Variants in AP1M1 observed in about 807,000 individuals in gnomAD.
The protein encoded by AP1M1 is adaptor related protein complex 1 subunit mu 1, also known as AP-1 complex subunit mu-1.
A neutral mutation model predicts 57.1 loss-of-function variants in AP1M1; 18 were observed. That is an observed-to-expected ratio of 0.32 (90% CI 0.22 to 0.47). The LOEUF (loss-of-function observed/expected upper bound fraction) is 0.47. AP1M1 is among the 20% of genes least tolerant of loss of function. The probability of loss-of-function intolerance (pLI) is 1.00; values close to 1 mark genes in which losing one functional copy is unlikely to be tolerated. For synonymous variants in AP1M1, 241 were observed against 237.9 expected (o/e 1.01, Z -0.12); for missense variants, 362 against 593.5 (o/e 0.61, Z 4.05).
intron 9 of AP1M1, among the ~76,000 whole-genome samples, chr19:16,232,230 A>G (rs539494106): frequency 1.1e-3 from 167 of 152,166 alleles, no homozygotes; most frequent in Non-Finnish European, 2.1e-3. Flanking sequence ...ACGCCTGTCA[A>G]TGCCTGTTCT....
In AP1M1 at chr19:16,203,732, C is replaced by A; in HGVS notation, c.199+117C>A. The stretch of plus-strand genomic sequence containing the variant: ...GCACAGCGCAAGCATTGGACACAGC[C>A]ATGCCCTCCTGGAGCTCCCTGCTGC... On this transcript the variant is annotated intron_variant, in intron 2 of 11. Coordinates refer to ENST00000291439, the MANE Select transcript of AP1M1 (RefSeq NM_032493.4). This position sits in a 1 kb window ranked among gnomAD's most constrained non-coding sequence, Gnocchi z 4.6. 8.8e-7 allele frequency: 1 copy of A among 1,132,640 alleles called. No individual in the cohort carries two copies. The highest frequency in any genetic ancestry group is 1.3e-6 in the Non-Finnish European group (1 of 796,776). 70.2% of individuals were successfully genotyped at this position (1,132,640 alleles called of 1,614,324 possible). A position where few individuals can be genotyped will look rare whatever the true frequency, so the allele number is the denominator to read the frequency against.
intron 5 of AP1M1, among the ~76,000 whole-genome samples, chr19:16,213,428 A>G (rs561486184): frequency 7.1e-4 from 107 of 151,620 alleles, no homozygotes; most frequent in African/African-American, 2.3e-3. Context: ...TCTGTTTTCT[A>G]TTTGCTTGGT....
Position 16,206,001 on chromosome 19 carries a change from T to C in AP1M1, c.200-340T>C, listed in dbSNP as rs966571505. 6.6e-6 allele frequency among the ~76,000 whole-genome samples: 1 copy of C among 152,122 alleles called. No homozygotes were observed. Among genetic ancestry groups the C allele is most frequent in the Non-Finnish European group, 1.5e-5 (1 of 68,018 alleles). ...TTGGAGGAGCAGGGCCAGTGTGTCC[T>C]GCTTTCTGCTCCTGGAATGAGCCTC... is the stretch of plus-strand genomic sequence containing the variant. On this transcript the variant is annotated intron_variant, in intron 2 of 11. Transcript: ENST00000291439. The surrounding 1 kb of genome is among the most constrained non-coding windows in gnomAD (Gnocchi z 4.3).
chr19:16,212,771 T>C (rs1252542354), intron 5 of AP1M1, among the ~76,000 whole-genome samples: 1 of 152,244 alleles, frequency 6.6e-6, no homozygotes, highest in African/African-American at 2.4e-5. Context: ...CCTAGCCGTG[T>C]CCCAGAGATT....
chr19:16,228,296 G>A lies in AP1M1; in HGVS notation c.888+88G>A, dbSNP rs1348811852. The A allele has an allele frequency of 3.4e-5, 46 of 1,366,552 alleles. No homozygotes were observed. The South Asian group carries it at 5.2e-4, about 15-fold the overall frequency. 84.7% of individuals were successfully genotyped at this position (1,366,552 alleles called of 1,614,324 possible). The stretch of plus-strand genomic sequence containing the variant: ...AACCGAGGGCTGGGGGTGCCGTAGG[G>A]CTGCCATCCGTGCACCCTCACTGTG... On this transcript the variant is annotated intron_variant, in intron 8 of 11. Coordinates refer to ENST00000291439, the MANE Select transcript of AP1M1 (RefSeq NM_032493.4). The surrounding 1 kb of genome is among the most constrained non-coding windows in gnomAD (Gnocchi z 5.0).
In AP1M1 at chr19:16,228,761, G is replaced by T. The variant is rs776293958; in HGVS notation, c.889-9G>T. ...CCATAACCCCGGGCCGCATTGGCCT[G>T]GCCTGCAGGCCAAAAGCCAGTTCAA... is the stretch of plus-strand genomic sequence containing the variant. On this transcript the variant is annotated splice_polypyrimidine_tract_variant and intron_variant, in intron 8 of 11. Transcript: ENST00000291439. This position sits in a 1 kb window ranked among gnomAD's most constrained non-coding sequence, Gnocchi z 5.0. The T allele has an allele frequency of 1.2e-6, 2 of 1,613,248 alleles. No individual in the cohort carries two copies. Among genetic ancestry groups the T allele is most frequent in the Admixed American group, 1.7e-5 (1 of 60,008 alleles).
intron 1 of AP1M1, among the ~76,000 whole-genome samples, chr19:16,199,545 G>A (rs1241751607): frequency 6.6e-6 from 1 of 152,212 alleles, no homozygotes; most frequent in African/African-American, 2.4e-5. Flanking sequence ...GGGCAGGGGT[G>A]AGCCCTAAAG....
intron 5 of AP1M1, among the ~76,000 whole-genome samples, chr19:16,214,394 C>G (rs2091509016): frequency 7.2e-6 from 1 of 139,626 alleles, no homozygotes; most frequent in Non-Finnish European, 1.5e-5. Context: ...CCCTGTCACC[C>G]AGGCTGGAGT....
At chr19:16,213,858 C>G (rs144592981) in intron 5 of AP1M1, among the ~76,000 whole-genome samples, 87 of 152,292 alleles carry the variant, frequency 5.7e-4, no homozygotes, top group African/African-American at 2.0e-3. Flanking sequence ...TCTTGCCACT[C>G]TATGCCTTTT....
chr19:16,243,879 G>A lies in AP1M1; in HGVS notation c.*9444G>A. 6.6e-6 allele frequency: 1 copy of A among 152,170 alleles called. No homozygotes were observed. The highest frequency in any genetic ancestry group is 1.9e-4 in the East Asian group (1 of 5,174). The allele number at this position is 152,170 out of a possible 1,614,324, so 9.4% of individuals were successfully genotyped here. ...AATGGCTTGAACCCTGGAGGCAGAG[G>A]TTGCAGTGAGCTGAGATTGTGCCAC... On this transcript the variant is annotated 3_prime_UTR_variant, in exon 12 of 12. Transcript: ENST00000291439.
chr19:16,208,516 C>T (rs2145118997), intron 4 of AP1M1, among the ~76,000 whole-genome samples: 1 of 152,276 alleles, frequency 6.6e-6, no homozygotes, highest in Admixed American at 6.5e-5. Context: ...GAATTAAGTG[C>T]TTCCTGGGGG....
intron 4 of AP1M1, 48 bp from the exon 5 acceptor site, chr19:16,208,982 C>T (rs372953378): frequency 1.2e-4 from 184 of 1,580,772 alleles, no homozygotes; most frequent in Middle Eastern, 1.9e-4. Flanking sequence ...GAAGCTGTGG[C>T]GTTGGTGCGG....
At position 16,233,511 on chromosome 19, in the gene AP1M1, A is replaced by G; in HGVS notation, c.1066A>G (p.Met356Val). ...TCCCCAGGGCGGCAAGGAGTACCTG[A>G]TGCGGGCCCACTTCGGCCTGCCTAG... ...KSFPGGKEYL[M>V]RAHFGLPSVE... The change falls in exon 10 of 12, where the codon ATG becomes GTG. Residue 356 changes from methionine (M) to valine (V), a missense_variant. Transcript: ENST00000291439. 6.2e-7 allele frequency: 1 copy of G among 1,604,994 alleles called. No homozygotes were observed. Among genetic ancestry groups the G allele is most frequent in the Non-Finnish European group, 8.5e-7 (1 of 1,176,146 alleles).
chr19:16,199,128 G>T (rs937570713), intron 1 of AP1M1, among the ~76,000 whole-genome samples: 1 of 152,108 alleles, frequency 6.6e-6, no homozygotes, highest in African/African-American at 2.4e-5. Context: ...TGTTCTTACG[G>T]TGTTCACAGG....
Position 16,227,270 on chromosome 19 carries a change from C to T in AP1M1, c.674-278C>T, listed in dbSNP as rs1029346207. Among the ~76,000 whole-genome samples, 10 of 151,998 alleles carry T rather than the reference C, an allele frequency of 6.6e-5. No homozygotes were observed. The highest frequency in any genetic ancestry group is 5.2e-4 in the Admixed American group (8 of 15,270). On this transcript the variant is annotated intron_variant, in intron 6 of 11. Coordinates refer to ENST00000291439, the MANE Select transcript of AP1M1 (RefSeq NM_032493.4). The surrounding 1 kb of genome is among the most constrained non-coding windows in gnomAD (Gnocchi z 6.2). ...GTCCACTGATCAATCATTCAGTGAACGTGTCCTGAGCAGGTCCCCTGGCTG... is the reference window on the plus strand; with the variant it reads ...GTCCACTGATCAATCATTCAGTGAATGTGTCCTGAGCAGGTCCCCTGGCTG...
Position 16,237,603 on chromosome 19 carries a change from G to A in AP1M1, c.*3168G>A, listed in dbSNP as rs1041856520. On this transcript the variant is annotated 3_prime_UTR_variant, in exon 12 of 12. Coordinates refer to ENST00000291439, the MANE Select transcript of AP1M1 (RefSeq NM_032493.4). Reference sequence around the variant, plus strand: ...CCAAAATTAGCCAGGCATGGTGGCGGGCGCCTGTAATCCCAGCTACTTGGG... The same window carrying A: ...CCAAAATTAGCCAGGCATGGTGGCGAGCGCCTGTAATCCCAGCTACTTGGG... 1.3e-5 allele frequency: 2 copies of A among 150,840 alleles called. No homozygotes were observed. Among genetic ancestry groups the A allele is most frequent in the Admixed American group, 1.3e-4 (2 of 15,104 alleles). 9.3% of individuals were successfully genotyped at this position (150,840 alleles called of 1,614,324 possible).
chr19:16,231,896 G>A (rs1489964181), intron 9 of AP1M1, among the ~76,000 whole-genome samples: 1 of 152,210 alleles, frequency 6.6e-6, no homozygotes, highest in African/African-American at 2.4e-5. Context: ...GTGTTTCTCA[G>A]TCCTGTCCCT....
rs1188049387 is a variant in AP1M1 at position 16,238,323 on chromosome 19, C to G, written c.*3888C>G. 6.6e-6 allele frequency: 1 copy of G among 152,126 alleles called. No homozygotes were observed. Among genetic ancestry groups the G allele is most frequent in the Admixed American group, 6.6e-5 (1 of 15,266 alleles). 9.4% of individuals were successfully genotyped at this position (152,126 alleles called of 1,614,324 possible). A position where few individuals can be genotyped will look rare whatever the true frequency, so the allele number is the denominator to read the frequency against. Reference sequence around the variant, plus strand: ...CAGTTACACTTACAGCAGCATAGTTCATGATAGCAGGAAATTGGAAAGCAA... The same window carrying G: ...CAGTTACACTTACAGCAGCATAGTTGATGATAGCAGGAAATTGGAAAGCAA... On this transcript the variant is annotated 3_prime_UTR_variant, in exon 12 of 12. Coordinates refer to ENST00000291439, the MANE Select transcript of AP1M1 (RefSeq NM_032493.4).
chr19:16,226,181 C>T (rs2091570471), intron 5 of AP1M1, among the ~76,000 whole-genome samples: 1 of 152,110 alleles, frequency 6.6e-6, no homozygotes, highest in Admixed American at 6.5e-5. Flanking sequence ...CACAGGGCCT[C>T]GGCATGAAGG....
Sources: gnomAD v4.1 joint callset for allele counts (sites outside exome capture counted in the v4.1 genomes callset) on GRCh38, gnomAD v4.1.1 for gene constraint, Gnocchi (gnomAD v3.1) non-coding constraint, MANE v1.5 for transcripts, NCBI Gene and HGNC (gene_info 2026-07-23, HGNC 2026-07-21) for gene names.